The following PIK3R6 variants were observed in gnomAD, a reference collection of about 807,000 sequenced individuals.
The protein encoded by PIK3R6 is phosphoinositide 3-kinase regulatory subunit 6.
A neutral mutation model predicts 84.9 loss-of-function variants in PIK3R6; 91 were observed. The observed-to-expected ratio is 1.07, with a 90% CI of 0.90 to 1.28. The LOEUF (loss-of-function observed/expected upper bound fraction) is 1.28, where lower values mean the gene tolerates loss of function less well. Ranked by LOEUF, PIK3R6 falls within the 50% of genes most tolerant of loss-of-function variation. The pLI is 0.00. For synonymous variants in PIK3R6, 416 were observed against 411.4 expected (o/e 1.01, Z -0.13); for missense variants, 996 against 985.1 (o/e 1.01, Z -0.15).
intron 13 of PIK3R6, among the ~76,000 whole-genome samples, chr17:8,824,777 C>T (rs2087864255): frequency 1.3e-5 from 2 of 152,102 alleles, no homozygotes; most frequent in Admixed American, 1.3e-4. Context: ...TATTTTAATA[C>T]CCAGCTAAAT....
In PIK3R6 at chr17:8,862,350, G is replaced by A. The variant is rs1179902811; in HGVS notation, c.-92+5179C>T. 1.3e-5 allele frequency among the ~76,000 whole-genome samples: 2 copies of A among 152,158 alleles called. No homozygotes were observed. The highest frequency in any genetic ancestry group is 2.9e-5 in the Non-Finnish European group (2 of 68,010). On this transcript the variant is annotated intron_variant, in intron 1 of 19. Coordinates refer to ENST00000619866, the MANE Select transcript of PIK3R6 (RefSeq NM_001010855.4). This position sits in a 1 kb window ranked among gnomAD's most constrained non-coding sequence, Gnocchi z 4.3. ...ATGTCAGGCACTCATATGAAGACAA[G>A]GCAGAGTCACTGTCCCAAAGCTACT...
At position 8,810,313 on chromosome 17, in the gene PIK3R6, C is replaced by T. The variant is rs796325525; in HGVS notation, c.1996-6160G>A. Among the ~76,000 whole-genome samples the T allele has an allele frequency of 1.6e-4, 24 of 147,814 alleles. 1 individual carries two copies. The highest frequency in any genetic ancestry group is 4.3e-4 in the African/African-American group (17 of 39,490). On this transcript the variant is annotated intron_variant, in intron 18 of 19. Transcript: ENST00000619866. ...AAGACCTGTCCCCATGATTCAATTA[C>T]CTCCCACCAGGCCCCTCCCACAACA...
rs557800858 is a variant in PIK3R6 at position 8,847,670 on chromosome 17, G to A, written c.13+2112C>T. Among the ~76,000 whole-genome samples, 8 of 152,160 alleles carry A rather than the reference G, an allele frequency of 5.3e-5. No individual in the cohort carries two copies. The South Asian group carries it at 6.2e-4, about 12-fold the overall frequency. ...ACAAAAAAAATAGCCGGACATGGTG[G>A]TGCATGCCTGTAATCCCAGCTACTT... On this transcript the variant is annotated intron_variant, in intron 2 of 19. Transcript: ENST00000619866.
rs76212422 is a variant in PIK3R6 at position 8,838,163 on chromosome 17, C to T, written c.190-292G>A. 2.8e-3 allele frequency: 1,356 copies of T among 492,858 alleles called. 20 individuals carry two copies. Among genetic ancestry groups the T allele is most frequent in the African/African-American group, 0.024 (1,251 of 51,176 alleles). The allele number at this position is 492,858 out of a possible 1,614,324, so 30.5% of individuals were successfully genotyped here. On this transcript the variant is annotated intron_variant, in intron 4 of 19. Transcript: ENST00000619866. ...CAAAGCAACAAACAAGTCCTCAGCT[C>T]GGAGCCTCCCTTGAGTGCAGTGTTT...
chr17:8,849,100 C>T (rs573979244), intron 2 of PIK3R6, among the ~76,000 whole-genome samples: 339 of 29,136 alleles, frequency 0.012, 1 homozygote, highest in South Asian at 0.089. Context: ...GAAAATCAGC[C>T]GGACTAGGCC....
rs2151161126 is a variant in PIK3R6 at position 8,803,654 on chromosome 17, T to C, written c.2109-225A>G. On this transcript the variant is annotated intron_variant, in intron 19 of 19. Coordinates refer to ENST00000619866, the MANE Select transcript of PIK3R6 (RefSeq NM_001010855.4). The surrounding 1 kb of genome is among the most constrained non-coding windows in gnomAD (Gnocchi z 5.0). Reference sequence around the variant, plus strand: ...TGGAGCAAGTAACTCTGCGCATGCCTCCCTTACCCAAACACACCTCCCGAG... The same window carrying C: ...TGGAGCAAGTAACTCTGCGCATGCCCCCCTTACCCAAACACACCTCCCGAG... 3.6e-6 allele frequency: 2 copies of C among 560,546 alleles called. No homozygotes were observed. The highest frequency in any genetic ancestry group is 4.6e-5 in the South Asian group (2 of 43,172). 34.7% of individuals were successfully genotyped at this position (560,546 alleles called of 1,614,324 possible).
chr17:8,822,743 G>A, intron 15 of PIK3R6, 86 bp from the exon 16 acceptor site: 1 of 1,385,036 alleles, frequency 7.2e-7, no homozygotes, highest in Admixed American at 2.2e-5. Context: ...CAGGAGCTGA[G>A]CTGCTGGGTT....
At chr17:8,822,560 C>G in intron 16 of PIK3R6, 27 bp downstream of exon 16, 1 of 1,612,812 alleles carries the variant, frequency 6.2e-7, no homozygotes, top group Non-Finnish European at 8.5e-7. Flanking sequence ...TCTTGGCTAC[C>G]TACTGACCAC....
At chr17:8,848,447 T>G (rs1223705669) in intron 2 of PIK3R6, among the ~76,000 whole-genome samples, 1 of 151,156 alleles carries the variant, frequency 6.6e-6, no homozygotes, top group Admixed American at 6.6e-5. Context: ...TATCACAGAG[T>G]GCACTTACAC....
At position 8,867,642 on chromosome 17, in the gene PIK3R6, G is replaced by T. The variant is rs764224747; in HGVS notation, c.-205C>A. ...ATGTCTTGGGGGAGCCTCCACGGGT[G>T]TCTGTGGTCTTGACTGTGCTCTTCA... On this transcript the variant is annotated 5_prime_UTR_variant, in exon 1 of 20. Coordinates refer to ENST00000619866, the MANE Select transcript of PIK3R6 (RefSeq NM_001010855.4). The T allele has an allele frequency of 4.1e-6, 2 of 489,636 alleles. No individual in the cohort carries two copies. Among genetic ancestry groups the T allele is most frequent in the East Asian group, 1.2e-4 (2 of 17,050 alleles). The allele number at this position is 489,636 out of a possible 1,614,324, so 30.3% of individuals were successfully genotyped here.
intron 1 of PIK3R6, among the ~76,000 whole-genome samples, chr17:8,864,383 G>A (rs1317180569): frequency 2.0e-5 from 3 of 152,002 alleles, no homozygotes; most frequent in Admixed American, 6.5e-5. Context: ...TAGTTGTGCT[G>A]TGAGTAATAG....
chr17:8,810,298 C>T (rs561317498), intron 18 of PIK3R6, among the ~76,000 whole-genome samples: 1 of 147,788 alleles, frequency 6.8e-6, no homozygotes, highest in Non-Finnish European at 1.5e-5. Flanking sequence ...AAGACCTGTC[C>T]CCATGATTCA....
rs531689524 is a variant in PIK3R6 at position 8,839,277 on chromosome 17, G to A, written c.97+337C>T. Among the ~76,000 whole-genome samples the A allele has an allele frequency of 1.3e-5, 2 of 152,138 alleles. No individual in the cohort carries two copies. Among genetic ancestry groups the A allele is most frequent in the Non-Finnish European group, 2.9e-5 (2 of 68,028 alleles). ...GCAGGAGGATCGCTTGAACCAGGGA[G>A]GCAGAGGTTGTGGTGAGCCGAGTTT... On this transcript the variant is annotated intron_variant, in intron 3 of 19. Transcript: ENST00000619866. This position sits in a 1 kb window ranked among gnomAD's most constrained non-coding sequence, Gnocchi z 4.2.
In PIK3R6 at chr17:8,853,734, G is replaced by C. The variant is rs183668488; in HGVS notation, c.-91-3849C>G. The stretch of plus-strand genomic sequence containing the variant: ...ATCCCGGCACTTTGGGAGGCCAAGG[G>C]GGGCAGGTCACGAGGCCAGGAGATC... On this transcript the variant is annotated intron_variant, in intron 1 of 19. Transcript: ENST00000619866. Among the ~76,000 whole-genome samples the C allele has an allele frequency of 2.0e-3, 301 of 151,812 alleles. 1 individual carries two copies. Among genetic ancestry groups the C allele is most frequent in the Middle Eastern group, 6.8e-3 (2 of 292 alleles).
chr17:8,836,824 C>G lies in PIK3R6; in HGVS notation c.358G>C (p.Ala120Pro). Reference protein sequence around the residue: ...TPYCTVALDCAIRLKTEMAVP... With the variant: ...TPYCTVALDCPIRLKTEMAVP... Reference sequence around the variant, plus strand: ...GCCATCTCCGTTTTCAGCCTTATCGCGCAGTCCAAGGCGACTGTGCAGTAG... The same window carrying G: ...GCCATCTCCGTTTTCAGCCTTATCGGGCAGTCCAAGGCGACTGTGCAGTAG... Residue 120 changes from alanine (A) to proline (P), a missense_variant, in exon 6 of 20, where the codon GCG (alanine) becomes CCG (proline). By Grantham distance (27) the Ala-to-Pro change is conservative. Coordinates refer to ENST00000619866, the MANE Select transcript of PIK3R6 (RefSeq NM_001010855.4). 1 of 1,603,042 alleles carries G rather than the reference C, an allele frequency of 6.2e-7. No homozygotes were observed. The highest frequency in any genetic ancestry group is 8.5e-7 in the Non-Finnish European group (1 of 1,174,644).
At chr17:8,814,970 A>G (rs1448474458) in intron 18 of PIK3R6, among the ~76,000 whole-genome samples, 1 of 152,232 alleles carries the variant, frequency 6.6e-6, no homozygotes, top group Non-Finnish European at 1.5e-5. Flanking sequence ...ATAAGAAGGC[A>G]CCATATTATA....
At chr17:8,822,052 C>CT (rs546514771) in intron 16 of PIK3R6, 116 bp from the exon 17 acceptor site, 11,629 of 411,582 alleles carry the variant, frequency 0.028, 14 homozygotes, top group Non-Finnish European at 0.031. Context: ...CTGTGAGAGT[C>CT]TTTTTTTTTT....
Position 8,819,322 on chromosome 17 carries a change from C to T in PIK3R6, c.1880-124G>A, listed in dbSNP as rs141257657. 194 of 611,902 alleles carry T rather than the reference C, an allele frequency of 3.2e-4. No individual in the cohort carries two copies. The African/African-American group carries it at 3.5e-3, about 11-fold the overall frequency. The allele number at this position is 611,902 out of a possible 1,614,324, so 37.9% of individuals were successfully genotyped here. ...CAGCCCTGTCACTCCTCCTTGGGCC[C>T]CCACTTTCTGAATCTGCTTGGTCCC... On this transcript the variant is annotated intron_variant, in intron 17 of 19. Coordinates refer to ENST00000619866, the MANE Select transcript of PIK3R6 (RefSeq NM_001010855.4).
At chr17:8,866,627 T>C (rs1202827232) in intron 1 of PIK3R6, among the ~76,000 whole-genome samples, 1 of 152,062 alleles carries the variant, frequency 6.6e-6, no homozygotes. Context: ...CCCACTTGCT[T>C]TCCTGCCTCT....
Sources: gnomAD v4.1 joint callset for allele counts (sites outside exome capture counted in the v4.1 genomes callset) on GRCh38, gnomAD v4.1.1 for gene constraint, Gnocchi (gnomAD v3.1) non-coding constraint, MANE v1.5 for transcripts, NCBI Gene and HGNC (gene_info 2026-07-23, HGNC 2026-07-21) for gene names.